COL23A1: variants seen among roughly 807,000 people sequenced by gnomAD.
COL23A1 encodes the protein collagen alpha-1(XXIII) chain.
COL23A1 carries 97 observed loss-of-function variants against 99.3 expected under a neutral mutation model. The observed-to-expected ratio is 0.98, with a 90% confidence interval of 0.83 to 1.16. The LOEUF (loss-of-function observed/expected upper bound fraction) is 1.16, where lower values mean the gene tolerates loss of function less well. COL23A1 is among the 50% of genes most tolerant of loss of function. The probability of loss-of-function intolerance (pLI) is 0.00; values close to 1 mark genes in which losing one functional copy is unlikely to be tolerated. For synonymous variants in COL23A1, 320 were observed against 308.2 expected, an observed-to-expected ratio of 1.04 and a Z score of -0.40; for missense variants, 762 against 757.4, an observed-to-expected ratio of 1.01 and a Z score of -0.07.
intron 2 of COL23A1, among the ~76,000 whole-genome samples, chr5:178,332,085 C>T (rs1332059564): frequency 6.6e-6 from 1 of 152,200 alleles, no homozygotes; most frequent in Non-Finnish European, 1.5e-5. Context: ...GAAGGTCCTG[C>T]TCCGGGACTA....
At chr5:178,518,945 C>T (rs1436242988) in intron 2 of COL23A1, among the ~76,000 whole-genome samples, 4 of 93,146 alleles carry the variant, frequency 4.3e-5, no homozygotes, top group South Asian at 4.6e-4. Context: ...CGGCTGCGGT[C>T]GGTCGCGGCA....
chr5:178,437,799 G>C (rs181973810), intron 2 of COL23A1, among the ~76,000 whole-genome samples: 1 of 152,178 alleles, frequency 6.6e-6, no homozygotes, highest in Admixed American at 6.5e-5. Context: ...CAAGATGCGG[G>C]AGTCAAGAAG....
At chr5:178,246,580 GC>G in intron 22 of COL23A1, 127 bp from the exon 23 acceptor site, 3 of 926,586 alleles carry the variant, frequency 3.2e-6, no homozygotes, top group South Asian at 1.7e-5. Flanking sequence ...CCCAGGCCTG[GC>G]CCCAGCTTAC....
intron 2 of COL23A1, among the ~76,000 whole-genome samples, chr5:178,513,631 C>G (rs2672816): frequency 0.84 from 127,098 of 151,980 alleles, 53,299 homozygotes; most frequent in East Asian, 0.95. Context: ...CCACGTTTTT[C>G]CTGCTGTAAT....
intron 12 of COL23A1, 55 bp downstream of exon 12, chr5:178,259,666 C>A: frequency 7.1e-7 from 1 of 1,411,778 alleles, no homozygotes; most frequent in Non-Finnish European, 9.8e-7. Flanking sequence ...CCCTGCCCTT[C>A]TCTCCAGCCA....
intron 2 of COL23A1, among the ~76,000 whole-genome samples, chr5:178,541,755 T>C (rs1327773208): frequency 6.6e-6 from 1 of 152,168 alleles, no homozygotes; most frequent in Non-Finnish European, 1.5e-5. Context: ...CCAACAACAA[T>C]GCACAAATGA....
In COL23A1 at chr5:178,260,083, C is replaced by T. The variant is rs138926821; in HGVS notation, c.703-336G>A. 7.7e-3 allele frequency among the ~76,000 whole-genome samples: 1,176 copies of T among 152,294 alleles called. 20 individuals carry two copies. Among genetic ancestry groups the T allele is most frequent in the African/African-American group, 0.027 (1,110 of 41,556 alleles). Reference sequence around the variant, plus strand: ...AGGCCAGAGGCTCCGTCTCCGTCAGCGAGGACCAGAGCCCGCCTCCCCACC... The same window carrying T: ...AGGCCAGAGGCTCCGTCTCCGTCAGTGAGGACCAGAGCCCGCCTCCCCACC... On this transcript the variant is annotated intron_variant, in intron 11 of 28. Transcript: ENST00000390654.
intron 5 of COL23A1, among the ~76,000 whole-genome samples, chr5:178,285,950 C>A (rs868321604): frequency 2.6e-5 from 4 of 152,254 alleles, no homozygotes; most frequent in African/African-American, 9.6e-5. Context: ...GTCTGCCCCA[C>A]CCTGTGGGTC....
Position 178,392,473 on chromosome 5 carries a change from A to G in COL23A1, c.362-85554T>C, listed in dbSNP as rs1168708619. Among the ~76,000 whole-genome samples the G allele has an allele frequency of 2.0e-5, 3 of 152,194 alleles. No homozygotes were observed. The East Asian group carries it at 5.8e-4, about 29-fold the overall frequency. ...AAACCTTACAACGAAACAGGGCTGC[A>G]CAGAAGGCCACGCCACCTCCAGAAT... On this transcript the variant is annotated intron_variant, in intron 2 of 28. Coordinates refer to ENST00000390654, the MANE Select transcript of COL23A1 (RefSeq NM_173465.4).
chr5:178,315,204 A>T (rs1581137896), intron 2 of COL23A1, among the ~76,000 whole-genome samples: 1 of 152,276 alleles, frequency 6.6e-6, no homozygotes, highest in South Asian at 2.1e-4. Flanking sequence ...CCCATGACGC[A>T]TCCTGGTGAC....
At chr5:178,486,777 G>T (rs577444875) in intron 2 of COL23A1, among the ~76,000 whole-genome samples, 1 of 152,320 alleles carries the variant, frequency 6.6e-6, no homozygotes, top group Non-Finnish European at 1.5e-5. Flanking sequence ...AGTAGGACCA[G>T]TTGGAAGGCA....
chr5:178,438,395 G>GA (rs1766679924), intron 2 of COL23A1, among the ~76,000 whole-genome samples: 1 of 152,238 alleles, frequency 6.6e-6, no homozygotes, highest in Admixed American at 6.5e-5. Context: ...ATCTGGGCAA[G>GA]AAAAGTAAAC....
intron 5 of COL23A1, among the ~76,000 whole-genome samples, chr5:178,282,051 C>CAAAAAAAA (rs1184663917): frequency 3.6e-5 from 1 of 27,468 alleles, no homozygotes. Context: ...GACACTGTCT[C>CAAAAAAAA]CAAAAAAAAA....
intron 2 of COL23A1, among the ~76,000 whole-genome samples, chr5:178,338,660 A>G (rs984846049): frequency 8.5e-5 from 13 of 152,154 alleles, no homozygotes; most frequent in Non-Finnish European, 1.6e-4. Context: ...GTCACTGGCC[A>G]GCATCGGGTA....
intron 3 of COL23A1, among the ~76,000 whole-genome samples, chr5:178,302,392 G>A (rs1223024364): frequency 6.7e-6 from 1 of 149,076 alleles, no homozygotes; most frequent in Non-Finnish European, 1.5e-5. Context: ...TGTGTGCGCC[G>A]GAGCACGGCT....
chr5:178,556,495 C>T (rs1762280200), intron 2 of COL23A1, among the ~76,000 whole-genome samples: 1 of 150,884 alleles, frequency 6.6e-6, no homozygotes, highest in Admixed American at 6.6e-5. Flanking sequence ...TGGTGGCAGG[C>T]ATCTGTAGTC....
chr5:178,267,334 C>G lies in COL23A1; in HGVS notation c.496-1G>C. ...GGGGGCCAAAGTCTCCTGGTGCACC[C>G]TGGGAACAAAAGACAGGGAGAGGCA... is the stretch of plus-strand genomic sequence containing the variant. On this transcript the variant is annotated splice_acceptor_variant, in intron 7 of 28. Transcript: ENST00000390654. LOFTEE classifies it high-confidence loss of function. The G allele has an allele frequency of 6.2e-7, 1 of 1,613,720 alleles. No homozygotes were observed. The highest frequency in any genetic ancestry group is 1.7e-5 in the Admixed American group (1 of 59,890).
chr5:178,274,234 C>G (rs1267217115), intron 5 of COL23A1, among the ~76,000 whole-genome samples: 1 of 152,232 alleles, frequency 6.6e-6, no homozygotes, highest in Non-Finnish European at 1.5e-5. Context: ...CAGTGCCTGG[C>G]TGAGTCACGC....
At chr5:178,242,872 G>T (rs1184151573) in intron 25 of COL23A1, among the ~76,000 whole-genome samples, 2 of 152,156 alleles carry the variant, frequency 1.3e-5, no homozygotes, top group East Asian at 3.9e-4. Flanking sequence ...CTAGGAACCG[G>T]GCTGTTGGCT....
Sources: gnomAD v4.1 joint callset for allele counts (sites outside exome capture counted in the v4.1 genomes callset) on GRCh38, gnomAD v4.1.1 for gene constraint, MANE v1.5 for transcripts, NCBI Gene and HGNC (gene_info 2026-07-23, HGNC 2026-07-21) for gene names.